Variants in CCNF observed in about 807,000 individuals in gnomAD.
CCNF encodes the protein cyclin F.
Under a neutral mutation model 85.4 loss-of-function variants are expected in CCNF, and 30 were observed. The ratio of observed to expected loss-of-function variants is 0.35; its 90% confidence interval spans 0.26 to 0.48. The LOEUF is 0.48. Among genes scored for constraint, CCNF ranks in the 20% least tolerant of loss-of-function variants. The pLI is 0.99. For synonymous variants in CCNF, 439 were observed against 425.1 expected (o/e 1.03, Z -0.40); for missense variants, 919 against 1,010.4 (o/e 0.91, Z 1.23).
chr16:2,441,936 A>ATT (rs1214169470), intron 8 of CCNF, among the ~76,000 whole-genome samples: 13 of 53,340 alleles, frequency 2.4e-4, no homozygotes, highest in Admixed American at 5.2e-4. Flanking sequence ...ATATTAGCAA[A>ATT]TTATATATAT....
Position 2,457,172 on chromosome 16 carries a change from G to T in CCNF, c.*152G>T. The T allele has an allele frequency of 1.7e-6, 1 of 591,430 alleles. No individual in the cohort carries two copies. Among genetic ancestry groups the T allele is most frequent in the Non-Finnish European group, 2.9e-6 (1 of 339,106 alleles). 36.6% of individuals were successfully genotyped at this position (591,430 alleles called of 1,614,324 possible). Reference sequence around the variant, plus strand: ...CGGCCACCAAGTTTCTGTCTCCGCGGGAGTCCCGTGCAAGCCATCAGAATG... The same window carrying T: ...CGGCCACCAAGTTTCTGTCTCCGCGTGAGTCCCGTGCAAGCCATCAGAATG... On this transcript the variant is annotated 3_prime_UTR_variant, in exon 17 of 17. Coordinates refer to ENST00000397066, the MANE Select transcript of CCNF (RefSeq NM_001761.3).
chr16:2,441,493 G>A (rs970677842), intron 8 of CCNF, among the ~76,000 whole-genome samples: 9 of 151,606 alleles, frequency 5.9e-5, no homozygotes, highest in African/African-American at 1.7e-4. Context: ...AGGGCCGGGC[G>A]CAGTGGCTCA....
At chr16:2,438,177 G>A (rs1555497179) in intron 6 of CCNF, 54 bp downstream of exon 6, 9 of 1,288,574 alleles carry the variant, frequency 7.0e-6, no homozygotes, top group East Asian at 2.3e-5. Flanking sequence ...ATCCCTAGCC[G>A]AGATCCTGGA....
intron 4 of CCNF, 87 bp downstream of exon 4, chr16:2,435,960 T>C (rs1367103794): frequency 2.2e-6 from 2 of 922,344 alleles, no homozygotes; most frequent in African/African-American, 1.6e-5. Context: ...TGTTAGCAGT[T>C]CAGTTGCTGT....
intron 10 of CCNF, among the ~76,000 whole-genome samples, 188 bp from the exon 11 acceptor site, chr16:2,448,667 C>T (rs964334667): frequency 1.3e-5 from 2 of 152,136 alleles, no homozygotes; most frequent in Non-Finnish European, 2.9e-5. Context: ...CTGCCTGGGC[C>T]TCCCCTTTTT....
Position 2,448,967 on chromosome 16 carries a change from G to A in CCNF, c.1207G>A (p.Gly403Arg). 1.2e-6 allele frequency: 2 copies of A among 1,614,078 alleles called. No homozygotes were observed. Among genetic ancestry groups the A allele is most frequent in the South Asian group, 1.1e-5 (1 of 91,070 alleles). Residue 403 changes from glycine (G) to arginine (R), a missense_variant, in exon 11 of 17, where the codon GGG becomes AGG. Around this residue, in one of 3 missense-constraint regions of CCNF, gnomAD observed 505 missense variants for 514.8 expected, o/e 0.98. Transcript: ENST00000397066. ...MMGEIVSALEGKIRVPTVVDY... is the reference protein window; with the variant it reads ...MMGEIVSALERKIRVPTVVDY... ...GGGCGAGATCGTCTCCGCCTTGGAAGGGAAGATTCGAGTAAGCAGCGGTTC... is the reference window on the plus strand; with the variant it reads ...GGGCGAGATCGTCTCCGCCTTGGAAAGGAAGATTCGAGTAAGCAGCGGTTC...
At chr16:2,449,994 G>C (rs1367993010) in intron 13 of CCNF, 79 bp downstream of exon 13, 3 of 1,012,438 alleles carry the variant, frequency 3.0e-6, no homozygotes, top group African/African-American at 3.2e-5. Context: ...ATCATTTGAG[G>C]TCAGGAGTTT....
chr16:2,439,992 T>C (rs2141819413), intron 8 of CCNF, among the ~76,000 whole-genome samples, 166 bp downstream of exon 8: 1 of 152,290 alleles, frequency 6.6e-6, no homozygotes, highest in Non-Finnish European at 1.5e-5. Context: ...GAACTGGTCC[T>C]AAAGGACAGG....
chr16:2,437,821 C>A, intron 5 of CCNF: 1 of 487,222 alleles, frequency 2.1e-6, no homozygotes, highest in East Asian at 3.5e-5. Flanking sequence ...ATCGCTTGAG[C>A]CTGGGAGGTT....
chr16:2,436,161 G>T (rs2065290039), intron 4 of CCNF: 1 of 344,766 alleles, frequency 2.9e-6, no homozygotes, highest in Non-Finnish European at 5.4e-6. Context: ...GGGCTGTTTG[G>T]GCTCCCTGCC....
At position 2,437,171 on chromosome 16, in the gene CCNF, A is replaced by T. The variant is rs767884579; in HGVS notation, c.389A>T (p.Lys130Met). 6.2e-7 allele frequency: 1 copy of T among 1,610,714 alleles called. No homozygotes were observed. The highest frequency in any genetic ancestry group is 1.1e-5 in the South Asian group (1 of 90,736). The change falls in exon 5 of 17, where the codon AAG becomes ATG. Residue 130 changes from lysine (K) to methionine (M), a missense_variant. Transcript: ENST00000397066. ...GCCCGCGCAGAAGTGAATGGCCTGA[A>T]GGCCTCTCGCTTCTTCAGTCTCGCT... Reference protein sequence around the residue: ...DEARAEVNGLKASRFFSLAER... With the variant: ...DEARAEVNGLMASRFFSLAER...
In CCNF at chr16:2,431,200, C is replaced by T. The variant is rs2065260775; in HGVS notation, c.87C>T (p.Asn29=). The T allele has an allele frequency of 6.2e-7, 1 of 1,614,118 alleles. No homozygotes were observed. The highest frequency in any genetic ancestry group is 8.5e-7 in the Non-Finnish European group (1 of 1,180,014). The change falls in exon 2 of 17, where the codon AAC becomes AAT. Residue 29 remains asparagine (N), a synonymous_variant. Transcript: ENST00000397066. ...TKRRIRRRPR[N]LTILSLPEDV... The stretch of plus-strand genomic sequence containing the variant: ...GAAGAATAAGGAGGAGGCCCCGAAA[C>T]CTGACCATCTTGAGTCTCCCCGAAG...
intron 8 of CCNF, among the ~76,000 whole-genome samples, chr16:2,441,165 AG>A (rs2065319078): frequency 6.6e-6 from 1 of 151,682 alleles, no homozygotes; most frequent in South Asian, 2.1e-4. Context: ...ACCCAGGAGG[AG>A]GAAGTTGCAG....
intron 8 of CCNF, among the ~76,000 whole-genome samples, chr16:2,442,982 A>T (rs1475643998): frequency 9.3e-6 from 1 of 107,908 alleles, no homozygotes. Flanking sequence ...TATATTATAT[A>T]TTATTTATGT....
chr16:2,455,265 T>G, intron 15 of CCNF, 130 bp from the exon 16 acceptor site: 1 of 1,229,614 alleles, frequency 8.1e-7, no homozygotes, highest in African/African-American at 1.5e-5. Flanking sequence ...GGCATCTTCT[T>G]CGTAGCAGAA....
chr16:2,433,524 A>G (rs2065272865), intron 3 of CCNF, among the ~76,000 whole-genome samples: 1 of 152,056 alleles, frequency 6.6e-6, no homozygotes, highest in Non-Finnish European at 1.5e-5. Flanking sequence ...CTCAGAACAA[A>G]CCAAGGAACC....
In CCNF at chr16:2,453,524, C is replaced by A. The variant is rs754920554; in HGVS notation, c.1702C>A (p.Arg568=). ...CGCCTTCCTCAGCTCTCCCTCGGGG[C>A]GGAGAACCAAACGGTTAGTTACCCT... ...IHAFLSSPSG[R]RTKRKRENSL... is the part of the protein sequence containing the mutation. The change falls in exon 15 of 17, where the codon CGG becomes AGG. Residue 568 remains arginine, a synonymous_variant. Coordinates refer to ENST00000397066, the MANE Select transcript of CCNF (RefSeq NM_001761.3). The surrounding 1 kb of genome is among the most constrained non-coding windows in gnomAD (Gnocchi z 5.6). The A allele has an allele frequency of 1.9e-6, 3 of 1,613,906 alleles. No homozygotes were observed. The highest frequency in any genetic ancestry group is 2.5e-6 in the Non-Finnish European group (3 of 1,180,012).
Position 2,457,110 on chromosome 16 carries a change from T to C in CCNF, c.*90T>C, listed in dbSNP as rs1287514557. 17 of 947,464 alleles carry C rather than the reference T, an allele frequency of 1.8e-5. No homozygotes were observed. Among genetic ancestry groups the C allele is most frequent in the Non-Finnish European group, 2.5e-5 (16 of 641,394 alleles). 58.7% of individuals were successfully genotyped at this position (947,464 alleles called of 1,614,324 possible). On this transcript the variant is annotated 3_prime_UTR_variant, in exon 17 of 17. Transcript: ENST00000397066. ...TAGCATAGGAACGCTGCATAGACCA[T>C]GGAGGCCTTTGCGCAGAGAGCAGAG...
At chr16:2,442,112 TCTCCTGCCTCAGC>T (rs1170403985) in intron 8 of CCNF, among the ~76,000 whole-genome samples, 1 of 145,432 alleles carries the variant, frequency 6.9e-6, no homozygotes, top group Non-Finnish European at 1.5e-5. Flanking sequence ...TTCATGCCAT[TCTCCTGCCTCAGC>T]CTCCCAAGTA....
Sources: gnomAD v4.1 joint callset for allele counts (sites outside exome capture counted in the v4.1 genomes callset) on GRCh38, gnomAD v4.1.1 for gene constraint, gnomAD v4.1.1 regional missense constraint, Gnocchi (gnomAD v3.1) non-coding constraint, MANE v1.5 for transcripts, NCBI Gene and HGNC (gene_info 2026-07-23, HGNC 2026-07-21) for gene names.